SCHIP1: variants seen among roughly 807,000 people sequenced by gnomAD.
SCHIP1 encodes the protein schwannomin interacting protein 1.
A neutral mutation model predicts 29.7 loss-of-function variants in SCHIP1; 8 were observed. That is an observed-to-expected ratio of 0.27 (90% confidence interval 0.16 to 0.49). The LOEUF is 0.49. SCHIP1 is among the 20% of genes least tolerant of loss of function. The pLI is 0.99. For missense variants in SCHIP1, 193 were observed against 294.6 expected (o/e 0.66, Z 2.52); for synonymous variants, 76 against 94.9 (o/e 0.80, Z 1.16).
the SCHIP1 span, among the ~76,000 whole-genome samples, chr3:159,420,725 T>C: frequency 1.3e-5 from 2 of 152,196 alleles, no homozygotes; most frequent in Non-Finnish European, 2.9e-5. Context: ...AGCATTATTT[T>C]TGGCAGATGT....
At chr3:159,403,458 C>G in the SCHIP1 span, among the ~76,000 whole-genome samples, 92 of 152,168 alleles carry the variant, frequency 6.0e-4, 7 homozygotes, top group Non-Finnish European at 1.5e-5. Flanking sequence ...GGCTGTATGG[C>G]ACAGAGAAAG....
At chr3:159,734,745 G>A in the SCHIP1 span, among the ~76,000 whole-genome samples, 5 of 150,978 alleles carry the variant, frequency 3.3e-5, no homozygotes, top group African/African-American at 7.3e-5. Flanking sequence ...CCCAGAACTC[G>A]GCATAGGCTC....
chr3:159,520,940 A>G, the SCHIP1 span, among the ~76,000 whole-genome samples: 34 of 152,362 alleles, frequency 2.2e-4, no homozygotes, highest in Non-Finnish European at 4.7e-4. Context: ...GACAAACCTT[A>G]TATGAACTGT....
At chr3:159,387,781 G>A in the SCHIP1 span, among the ~76,000 whole-genome samples, 1 of 152,092 alleles carries the variant, frequency 6.6e-6, no homozygotes, top group Admixed American at 6.6e-5. Flanking sequence ...CACAAAAATG[G>A]TGGTGAGCTT....
the SCHIP1 span, among the ~76,000 whole-genome samples, chr3:159,303,315 AGCAGTGGACTG>A: frequency 6.6e-6 from 1 of 152,050 alleles, no homozygotes; most frequent in East Asian, 1.9e-4. Flanking sequence ...TGATCACACA[AGCAGTGGACTG>A]GAGTGAAGAA....
At chr3:159,399,044 C>A in the SCHIP1 span, 1 of 555,014 alleles carries the variant, frequency 1.8e-6, no homozygotes, top group Middle Eastern at 9.2e-4. Context: ...CCCTCACTCC[C>A]CTCCAGCTAC....
At chr3:159,764,463 G>A in the SCHIP1 span, 3 of 1,594,600 alleles carry the variant, frequency 1.9e-6, no homozygotes, top group African/African-American at 1.3e-5. This position sits in a 1 kb window ranked among gnomAD's most constrained non-coding sequence, Gnocchi z 6.1. Context: ...AGGATGGGAT[G>A]GATCTAGGCA....
chr3:159,822,404 G>A, the SCHIP1 span, among the ~76,000 whole-genome samples: 1 of 151,982 alleles, frequency 6.6e-6, no homozygotes, highest in Non-Finnish European at 1.5e-5. Context: ...ATTAAGAATA[G>A]TTGGAAAGAA....
the SCHIP1 span, among the ~76,000 whole-genome samples, chr3:159,498,433 C>G: frequency 1.3e-5 from 2 of 152,158 alleles, no homozygotes; most frequent in Admixed American, 6.5e-5. Context: ...TAAAAATAGT[C>G]TAATCATTTT....
At chr3:159,686,723 A>C in the SCHIP1 span, among the ~76,000 whole-genome samples, 1 of 152,334 alleles carries the variant, frequency 6.6e-6, no homozygotes, top group South Asian at 2.1e-4. Flanking sequence ...AATTGAACTT[A>C]GCTCCTGAGT....
At chr3:159,371,387 A>G in the SCHIP1 span, among the ~76,000 whole-genome samples, 16 of 152,312 alleles carry the variant, frequency 1.1e-4, no homozygotes, top group Admixed American at 9.2e-4. Context: ...TTACCTAACT[A>G]ACTCTTCTAC....
At chr3:159,600,783 G>T in the SCHIP1 span, among the ~76,000 whole-genome samples, 1 of 152,006 alleles carries the variant, frequency 6.6e-6, no homozygotes, top group Non-Finnish European at 1.5e-5. Context: ...CTGCACATCT[G>T]GTTTAACAAT....
At chr3:159,568,483 T>C in the SCHIP1 span, among the ~76,000 whole-genome samples, 1 of 152,136 alleles carries the variant, frequency 6.6e-6, no homozygotes, top group Non-Finnish European at 1.5e-5. Flanking sequence ...ATTTTTATCA[T>C]GGATACTCAA....
the SCHIP1 span, among the ~76,000 whole-genome samples, chr3:159,757,191 G>T: frequency 6.6e-6 from 1 of 152,178 alleles, no homozygotes; most frequent in African/African-American, 2.4e-5. Flanking sequence ...CCAAGACTGG[G>T]CAATTTACAA....
chr3:159,788,769 A>G, the SCHIP1 span, among the ~76,000 whole-genome samples: 5 of 152,350 alleles, frequency 3.3e-5, no homozygotes, highest in South Asian at 1.0e-3. Context: ...TGCATTAAAC[A>G]TATGAACATA....
At chr3:159,839,827 G>A, upstream of SCHIP1, 1 of 1,209,720 alleles carries the variant, frequency 8.3e-7, no homozygotes, top group African/African-American at 1.6e-5. Context: ...CCTTCATAAA[G>A]CACCAGAAGG....
At chr3:159,279,994 A>T in the SCHIP1 span, among the ~76,000 whole-genome samples, 4 of 152,164 alleles carry the variant, frequency 2.6e-5, no homozygotes, top group African/African-American at 9.7e-5. Flanking sequence ...ACTGGTTTAG[A>T]TCATGCATTC....
At chr3:159,892,487 TC>T in intron 6 of SCHIP1, 1 of 556,534 alleles carries the variant, frequency 1.8e-6, no homozygotes, top group Non-Finnish European at 3.2e-6. Context: ...TGAAGGACTG[TC>T]CCCTGGGAAG....
At chr3:159,799,116 G>A in the SCHIP1 span, among the ~76,000 whole-genome samples, 1 of 152,098 alleles carries the variant, frequency 6.6e-6, no homozygotes, top group Non-Finnish European at 1.5e-5. Flanking sequence ...TGTTCAAGAG[G>A]CTTTATTCAT....
Sources: gnomAD v4.1 joint callset for allele counts (sites outside exome capture counted in the v4.1 genomes callset) on GRCh38, gnomAD v4.1.1 for gene constraint, Gnocchi (gnomAD v3.1) non-coding constraint, MANE v1.5 for transcripts, NCBI Gene and HGNC (gene_info 2026-07-23, HGNC 2026-07-21) for gene names.